COMMD10: variants seen among roughly 807,000 people sequenced by gnomAD.
COMMD10 encodes COMM domain-containing protein 10.
A neutral mutation model predicts 28.9 loss-of-function variants in COMMD10; 33 were observed. The observed-to-expected ratio is 1.14, with a 90% CI of 0.87 to 1.53. The LOEUF (loss-of-function observed/expected upper bound fraction) is 1.53, where lower values mean the gene tolerates loss of function less well. Ranked by LOEUF, COMMD10 falls within the 40% of genes most tolerant of loss-of-function variation. The probability of loss-of-function intolerance (pLI) is 0.00; values close to 1 mark genes in which losing one functional copy is unlikely to be tolerated. For synonymous variants in COMMD10, 110 were observed against 81.7 expected, an observed-to-expected ratio of 1.35 and a Z score of -1.87; for missense variants, 310 against 233.4, an observed-to-expected ratio of 1.33 and a Z score of -2.14.
chr5:116,196,804 A>G (rs2112618820), intron 5 of COMMD10, among the ~76,000 whole-genome samples: 1 of 152,186 alleles, frequency 6.6e-6, no homozygotes, highest in East Asian at 1.9e-4. Flanking sequence ...TAAATGATGA[A>G]TCTTTATCTT....
chr5:116,208,660 C>T (rs965627619), intron 5 of COMMD10, among the ~76,000 whole-genome samples: 2 of 150,824 alleles, frequency 1.3e-5, no homozygotes, highest in African/African-American at 4.9e-5. Flanking sequence ...CACAAGCTTC[C>T]TTTTTTCACT....
chr5:116,251,614 G>A (rs1396273688), intron 5 of COMMD10, among the ~76,000 whole-genome samples: 1 of 150,898 alleles, frequency 6.6e-6, no homozygotes. Context: ...CCCTACAAAG[G>A]ACATGAACTC....
chr5:116,143,082 T>A (rs1000194432), intron 5 of COMMD10, among the ~76,000 whole-genome samples: 1 of 150,432 alleles, frequency 6.6e-6, no homozygotes, highest in Admixed American at 6.6e-5. Flanking sequence ...TTTTTTTTTT[T>A]TTTTGGTTTT....
intron 5 of COMMD10, among the ~76,000 whole-genome samples, chr5:116,193,447 G>A (rs983515310): frequency 2.5e-4 from 38 of 152,068 alleles, no homozygotes; most frequent in Admixed American, 7.2e-4. Flanking sequence ...AACACATAAG[G>A]ACTCACATAA....
At chr5:116,259,127 A>G (rs250330) in intron 5 of COMMD10, among the ~76,000 whole-genome samples, 58,412 of 146,064 alleles carry the variant, frequency 0.4, 13,597 homozygotes, top group Non-Finnish European at 0.51. Flanking sequence ...CAGTGATGCA[A>G]TCTTGGCTCA....
At chr5:116,246,948 G>A (rs1285819957) in intron 5 of COMMD10, among the ~76,000 whole-genome samples, 1 of 151,918 alleles carries the variant, frequency 6.6e-6, no homozygotes, top group African/African-American at 2.4e-5. Flanking sequence ...CACCGAAAGC[G>A]ATTGCAACAA....
chr5:116,161,082 C>T (rs1042828168), intron 5 of COMMD10, among the ~76,000 whole-genome samples: 4 of 151,816 alleles, frequency 2.6e-5, no homozygotes, highest in Non-Finnish European at 4.4e-5. Flanking sequence ...TGAAGCCTGC[C>T]GGTTGGTTGG....
chr5:116,194,750 T>C (rs1244409286), intron 5 of COMMD10, among the ~76,000 whole-genome samples: 1 of 152,062 alleles, frequency 6.6e-6, no homozygotes, highest in Non-Finnish European at 1.5e-5. Flanking sequence ...ATTCAAAGAA[T>C]TGGTACCAAT....
chr5:116,234,439 A>G (rs1283157707), intron 5 of COMMD10, among the ~76,000 whole-genome samples: 2 of 152,194 alleles, frequency 1.3e-5, no homozygotes, highest in African/African-American at 4.8e-5. Context: ...ATGGACAGGA[A>G]CAATTACCCA....
intron 4 of COMMD10, among the ~76,000 whole-genome samples, chr5:116,119,126 A>G (rs1406703908): frequency 6.6e-6 from 1 of 152,196 alleles, no homozygotes; most frequent in African/African-American, 2.4e-5. Flanking sequence ...TTTGAAAAAA[A>G]AATACATTGA....
chr5:116,275,791 G>C (rs1750893923), intron 5 of COMMD10, among the ~76,000 whole-genome samples: 1 of 151,594 alleles, frequency 6.6e-6, no homozygotes, highest in Admixed American at 6.6e-5. Context: ...TAGAACATCA[G>C]ATCCTAAATC....
chr5:116,265,760 A>G (rs1293433369), intron 5 of COMMD10, among the ~76,000 whole-genome samples: 2 of 151,754 alleles, frequency 1.3e-5, no homozygotes, highest in Non-Finnish European at 2.9e-5. Flanking sequence ...GATGAGCCAT[A>G]GAATATTTCA....
At chr5:116,231,015 T>C (rs553760549) in intron 5 of COMMD10, among the ~76,000 whole-genome samples, 2 of 152,262 alleles carry the variant, frequency 1.3e-5, no homozygotes, top group East Asian at 1.9e-4. Context: ...GCTCCTCTTT[T>C]TTAAGGTTAT....
At chr5:116,223,601 C>G (rs532063233) in intron 5 of COMMD10, among the ~76,000 whole-genome samples, 11 of 151,996 alleles carry the variant, frequency 7.2e-5, no homozygotes, top group Non-Finnish European at 1.6e-4. Flanking sequence ...CAGAGAAGCT[C>G]GGGAAAAATT....
intron 5 of COMMD10, among the ~76,000 whole-genome samples, chr5:116,164,114 C>T (rs577945585): frequency 7.9e-5 from 12 of 152,216 alleles, no homozygotes; most frequent in African/African-American, 2.9e-4. Context: ...GTCAGGAGTT[C>T]TGGACTAGCT....
intron 4 of COMMD10, among the ~76,000 whole-genome samples, chr5:116,116,703 A>ATTTT (rs70978604): frequency 8.2e-6 from 1 of 121,556 alleles, no homozygotes; most frequent in Non-Finnish European, 1.8e-5. Context: ...AAATGCAGAG[A>ATTTT]TTTTTTTTTT....
intron 5 of COMMD10, among the ~76,000 whole-genome samples, chr5:116,137,686 A>G (rs1474367315): frequency 6.6e-6 from 1 of 151,922 alleles, no homozygotes; most frequent in East Asian, 1.9e-4. Context: ...TCTAACATAC[A>G]AATGAAAAAT....
chr5:116,177,703 C>A (rs908071863), intron 5 of COMMD10, among the ~76,000 whole-genome samples: 13 of 152,080 alleles, frequency 8.5e-5, no homozygotes, highest in African/African-American at 3.1e-4. Flanking sequence ...CTTCTCTTCT[C>A]CCTTACCTTT....
intron 5 of COMMD10, among the ~76,000 whole-genome samples, chr5:116,263,607 A>G (rs1185326283): frequency 6.6e-6 from 1 of 151,694 alleles, no homozygotes; most frequent in Non-Finnish European, 1.5e-5. Flanking sequence ...CTGCTCTCTG[A>G]GAGATTCCTC....
Sources: allele counts gnomAD v4.1 joint callset (sites outside exome capture counted in the v4.1 genomes callset), GRCh38; gene constraint gnomAD v4.1.1; transcripts MANE v1.5; gene names NCBI Gene and HGNC (gene_info 2026-07-23, HGNC 2026-07-21).